IL1RAPL1: variants seen among roughly 807,000 people sequenced by gnomAD.
The protein encoded by IL1RAPL1 is interleukin-1 receptor accessory protein-like 1.
In IL1RAPL1, 3 loss-of-function variants were observed where a neutral mutation model predicts 48.4. The observed-to-expected ratio is 0.06, with a 90% CI of 0.03 to 0.16. The LOEUF (loss-of-function observed/expected upper bound fraction) is 0.16, where lower values mean the gene tolerates loss of function less well. IL1RAPL1 is among the 10% of genes least tolerant of loss of function. The probability of loss-of-function intolerance (pLI) is 1.00; values close to 1 mark genes in which losing one functional copy is unlikely to be tolerated. For synonymous variants in IL1RAPL1, 185 were observed against 187.7 expected (o/e 0.99, Z 0.12); for missense variants, 349 against 530.6 (o/e 0.66, Z 3.36).
At chrX:29,430,426 A>G (rs961019206) in intron 5 of IL1RAPL1, among the ~76,000 whole-genome samples, 3 of 111,501 alleles carry the variant, frequency 2.7e-5, no homozygotes, top group African/African-American at 9.8e-5. Flanking sequence ...TGTATAGGAG[A>G]AAATGGGTCC....
intron 6 of IL1RAPL1, among the ~76,000 whole-genome samples, chrX:29,904,914 T>C (rs141845408): frequency 0.066 from 7,389 of 111,624 alleles, 281 homozygotes; most frequent in Admixed American, 0.17. Flanking sequence ...GGTCAAGCGG[T>C]ATTTCTGGTT....
At chrX:29,869,119 T>A (rs1651430935) in intron 6 of IL1RAPL1, among the ~76,000 whole-genome samples, 1 of 112,317 alleles carries the variant, frequency 8.9e-6, no homozygotes, top group Admixed American at 9.5e-5. Flanking sequence ...AGTTTATATC[T>A]CCTGGAATTT....
chrX:28,883,268 A>G (rs1922549751), intron 2 of IL1RAPL1, among the ~76,000 whole-genome samples: 1 of 111,812 alleles, frequency 8.9e-6, no homozygotes, highest in Non-Finnish European at 1.9e-5. Context: ...ATAAATAGAT[A>G]TTTATAATAA....
intron 3 of IL1RAPL1, among the ~76,000 whole-genome samples, chrX:29,286,669 A>G (rs1281305663): frequency 3.6e-5 from 4 of 111,965 alleles, no homozygotes; most frequent in Non-Finnish European, 5.6e-5. Context: ...TGCCTGGGCA[A>G]CAGAGCAAGA....
intron 6 of IL1RAPL1, among the ~76,000 whole-genome samples, chrX:29,895,229 G>C (rs1224437030): frequency 1.1e-4 from 12 of 111,621 alleles, no homozygotes; most frequent in Non-Finnish European, 3.8e-5. Context: ...TCACTGAAGA[G>C]TCCCTTTCAC....
chrX:29,230,524 A>AAAAAACAAAC (rs1569265314), intron 2 of IL1RAPL1, among the ~76,000 whole-genome samples: 1 of 96,973 alleles, frequency 1.0e-5, no homozygotes, highest in Non-Finnish European at 2.1e-5. Context: ...AAAAAAAAAA[A>AAAAAACAAAC]AAAAAAAAAA....
intron 1 of IL1RAPL1, among the ~76,000 whole-genome samples, chrX:28,761,207 T>C (rs889477566): frequency 3.6e-5 from 4 of 110,905 alleles, no homozygotes; most frequent in Non-Finnish European, 7.6e-5. Flanking sequence ...GCTTGGAGAT[T>C]TCTCCAAGAA....
intron 6 of IL1RAPL1, among the ~76,000 whole-genome samples, chrX:29,683,546 G>C (rs187816634): frequency 1.6e-3 from 184 of 112,060 alleles, no homozygotes; most frequent in African/African-American, 5.7e-3. Flanking sequence ...TGTCTATTTT[G>C]CCTCCATTTT....
intron 2 of IL1RAPL1, among the ~76,000 whole-genome samples, chrX:28,798,600 A>G (rs1471525983): frequency 8.9e-6 from 1 of 112,250 alleles, no homozygotes; most frequent in African/African-American, 3.2e-5. Context: ...ATGAGGCAGT[A>G]GACATCTTTC....
chrX:29,552,564 C>T lies in IL1RAPL1; in HGVS notation c.704-115866C>T, dbSNP rs1047403808. On this transcript the variant is annotated intron_variant, in intron 5 of 10. Transcript: ENST00000378993. ...TTTAACCATTTTAAAATGTATACTT[C>T]GGTGGCATTAGATACATTCACATTG... 6.3e-5 allele frequency among the ~76,000 whole-genome samples: 7 copies of T among 111,182 alleles called. 1 individual carries two copies. Among genetic ancestry groups the T allele is most frequent in the Admixed American group, 5.8e-4 (6 of 10,417 alleles).
chrX:29,672,880 G>T (rs1926176818), intron 6 of IL1RAPL1, among the ~76,000 whole-genome samples: 1 of 111,982 alleles, frequency 8.9e-6, no homozygotes, highest in Non-Finnish European at 1.9e-5. Flanking sequence ...GTATCTGAGT[G>T]GGTAATAAGG....
At chrX:29,330,172 G>T (rs1932873335) in intron 3 of IL1RAPL1, among the ~76,000 whole-genome samples, 1 of 111,896 alleles carries the variant, frequency 8.9e-6, no homozygotes, top group Non-Finnish European at 1.9e-5. Context: ...TATGGTATAT[G>T]AATTATATCT....
chrX:29,876,152 A>G (rs763824686), intron 6 of IL1RAPL1, among the ~76,000 whole-genome samples: 1 of 111,818 alleles, frequency 8.9e-6, no homozygotes, highest in African/African-American at 3.3e-5. Flanking sequence ...TGTGTCATCC[A>G]GCTTTGTCTC....
Position 29,777,738 on chromosome X carries a change from A to G in IL1RAPL1, c.778+109234A>G, listed in dbSNP as rs776659498. Among the ~76,000 whole-genome samples the G allele has an allele frequency of 6.8e-4, 75 of 111,010 alleles. 1 individual carries two copies. The highest frequency in any genetic ancestry group is 1.5e-3 in the South Asian group (4 of 2,626). The stretch of plus-strand genomic sequence containing the variant: ...GAAGTTTTTTTTTCAAATGAAGTAC[A>G]TCCTAATGAGAGTTAGGTTTTTGCT... On this transcript the variant is annotated intron_variant, in intron 6 of 10. Transcript: ENST00000378993.
Position 28,937,289 on chromosome X carries a change from T to C in IL1RAPL1, c.82+147864T>C, listed in dbSNP as rs896435611. On this transcript the variant is annotated intron_variant, in intron 2 of 10. Transcript: ENST00000378993. ...CTAAAGTCCTACAAAGTATTAGATA[T>C]ATAATATCTAGGCATAAGGTAAAAT... Among the ~76,000 whole-genome samples the C allele has an allele frequency of 2.7e-5, 3 of 111,181 alleles. No homozygotes were observed. The Admixed American group carries it at 2.9e-4, about 11-fold the overall frequency.
At chrX:28,724,049 G>A (rs1274104617) in intron 1 of IL1RAPL1, among the ~76,000 whole-genome samples, 10 of 111,887 alleles carry the variant, frequency 8.9e-5, no homozygotes, top group Non-Finnish European at 1.9e-4. Flanking sequence ...GTGATGTGGT[G>A]CTGAGAAGAA....
intron 2 of IL1RAPL1, among the ~76,000 whole-genome samples, chrX:29,134,407 G>C (rs1929083799): frequency 8.9e-6 from 1 of 112,096 alleles, no homozygotes; most frequent in Non-Finnish European, 1.9e-5. Flanking sequence ...TGTGTGCCAT[G>C]CTTTATTTTT....
intron 2 of IL1RAPL1, among the ~76,000 whole-genome samples, chrX:28,897,366 G>C (rs966106884): frequency 6.3e-5 from 7 of 111,983 alleles, no homozygotes; most frequent in African/African-American, 2.3e-4. Context: ...AGGGAAGACT[G>C]TCTTCCCGAG....
At chrX:29,101,046 C>G (rs1309677874) in intron 2 of IL1RAPL1, among the ~76,000 whole-genome samples, 1 of 111,392 alleles carries the variant, frequency 9.0e-6, no homozygotes, top group African/African-American at 3.3e-5. Flanking sequence ...CTTATTTTAT[C>G]ATATAAAAAG....
Sources: allele counts gnomAD v4.1 joint callset (sites outside exome capture counted in the v4.1 genomes callset), GRCh38; gene constraint gnomAD v4.1.1; transcripts MANE v1.5; gene names NCBI Gene and HGNC (gene_info 2026-07-23, HGNC 2026-07-21).